The following IL16 variants were observed in gnomAD, a reference collection of about 807,000 sequenced individuals.
IL16 encodes interleukin 16.
IL16 carries 67 observed loss-of-function variants against 110.1 expected under a neutral mutation model. That is an observed-to-expected ratio of 0.61 (90% CI 0.50 to 0.75). The LOEUF is 0.75. IL16 is among the 30% of genes least tolerant of loss of function. The pLI is 0.00. For missense variants in IL16, 1,545 were observed against 1,655.0 expected (o/e 0.93, Z 1.15); for synonymous variants, 689 against 662.9 (o/e 1.04, Z -0.61).
chr15:81,309,139 G>C lies in IL16; in HGVS notation c.*341G>C, dbSNP rs143595082. 13 of 228,514 alleles carry C rather than the reference G, an allele frequency of 5.7e-5. No individual in the cohort carries two copies. The highest frequency in any genetic ancestry group is 2.7e-4 in the African/African-American group (12 of 43,958). 14.2% of individuals were successfully genotyped at this position (228,514 alleles called of 1,614,324 possible). On this transcript the variant is annotated 3_prime_UTR_variant, in exon 19 of 19. Transcript: ENST00000683961. Reference sequence around the variant, plus strand: ...GCAAAATGTTTCAAGTACTGTAACTGTGTCATGATTCACCCCCAAACAGTG... The same window carrying C: ...GCAAAATGTTTCAAGTACTGTAACTCTGTCATGATTCACCCCCAAACAGTG...
At chr15:81,266,753 C>T (rs1017443197) in intron 4 of IL16, among the ~76,000 whole-genome samples, 1 of 152,206 alleles carries the variant, frequency 6.6e-6, no homozygotes, top group African/African-American at 2.4e-5. Context: ...CCCAAATGCC[C>T]ATCAGGAAGC....
In IL16 at chr15:81,306,018, T is replaced by G; in HGVS notation, c.3531T>G (p.Asp1177Glu). 6.2e-7 allele frequency: 1 copy of G among 1,614,252 alleles called. No homozygotes were observed. Among genetic ancestry groups the G allele is most frequent in the Non-Finnish European group, 8.5e-7 (1 of 1,180,046 alleles). ...GKSLKGTTHH[D>E]ALAILRQARE... is the part of the protein sequence containing the mutation. ...CTCTCAAGGGGACCACGCACCATGA[T>G]GCCTTGGCCATCCTCCGCCAAGCTC... The change falls in exon 17 of 19, where the codon GAT becomes GAG. Residue 1177 changes from aspartate (D) to glutamate (E), a missense_variant. This residue lies in a region of IL16 where 356 missense variants were observed against 399.3 expected (regional missense o/e 0.89). Transcript: ENST00000683961.
At chr15:81,212,721 C>G (rs1896294960) in intron 1 of IL16, among the ~76,000 whole-genome samples, 1 of 152,160 alleles carries the variant, frequency 6.6e-6, no homozygotes, top group Non-Finnish European at 1.5e-5. Context: ...ATCTGCCTGC[C>G]TCAGCCTCCA....
upstream of IL16, among the ~76,000 whole-genome samples, chr15:81,195,816 G>A (rs143358556): frequency 9.0e-4 from 137 of 152,286 alleles, 1 homozygote; most frequent in South Asian, 1.5e-3. Flanking sequence ...AGATGTGTGG[G>A]ATGCTCTTTG....
chr15:81,291,025 A>G (rs1178498496), intron 11 of IL16, among the ~76,000 whole-genome samples: 1 of 152,246 alleles, frequency 6.6e-6, no homozygotes, highest in Non-Finnish European at 1.5e-5. Flanking sequence ...TTTATAAGAA[A>G]AAGTGAGGCC....
At chr15:81,213,250 G>A (rs919223116) in intron 1 of IL16, among the ~76,000 whole-genome samples, 1 of 152,134 alleles carries the variant, frequency 6.6e-6, no homozygotes, top group Non-Finnish European at 1.5e-5. Flanking sequence ...GTTTGATAAT[G>A]TGCTTGGTAT....
chr15:81,183,192 G>A (rs183544689), intron 1 of IL16, among the ~76,000 whole-genome samples: 25 of 152,338 alleles, frequency 1.6e-4, no homozygotes, highest in Admixed American at 1.4e-3. Flanking sequence ...GGGGAGGAGA[G>A]TGAACCCTGG....
Position 81,313,033 on chromosome 15 carries a change from T to A in IL16, c.*4235T>A. On this transcript the variant is annotated 3_prime_UTR_variant, in exon 19 of 19. Transcript: ENST00000683961. ...GTGTTTGGGTAACAGGCAGATGGAG[T>A]TTGGAACACATGAATGGCTCATCAC... The A allele has an allele frequency of 2.7e-6, 1 of 374,280 alleles. No homozygotes were observed. Among genetic ancestry groups the A allele is most frequent in the Non-Finnish European group, 4.6e-6 (1 of 215,146 alleles). The allele number at this position is 374,280 out of a possible 1,614,324, so 23.2% of individuals were successfully genotyped here.
At chr15:81,240,161 AT>A (rs1233206756) in intron 2 of IL16, among the ~76,000 whole-genome samples, 2 of 152,082 alleles carry the variant, frequency 1.3e-5, no homozygotes, top group Non-Finnish European at 2.9e-5. Flanking sequence ...ATTCATTCAT[AT>A]TATTTCATTT....
Position 81,273,172 on chromosome 15 carries a change from G to T in IL16, c.758G>T (p.Gly253Val), listed in dbSNP as rs767163027. The change falls in exon 6 of 19, where the codon GGA (glycine) becomes GTA (valine). Residue 253 changes from glycine (G) to valine (V), a missense_variant. By Grantham distance (109) the Gly-to-Val change is moderately radical. Around this residue, in one of 3 missense-constraint regions of IL16, gnomAD observed 1,185 missense variants for 1,238.8 expected, o/e 0.96. Transcript: ENST00000683961. ...TACGTCAAAACCATTTTTGCAGGGG[G>T]AGCAGCAGCAGCCGATGGAAGGCTA... is the stretch of plus-strand genomic sequence containing the variant. Reference protein sequence around the residue: ...GIYVKTIFAGGAAAADGRLQE... With the variant: ...GIYVKTIFAGVAAAADGRLQE... 6.2e-7 allele frequency: 1 copy of T among 1,613,428 alleles called. No homozygotes were observed. The highest frequency in any genetic ancestry group is 8.5e-7 in the Non-Finnish European group (1 of 1,179,592).
chr15:81,288,767 A>G (rs1035766929), intron 10 of IL16, among the ~76,000 whole-genome samples: 1 of 152,042 alleles, frequency 6.6e-6, no homozygotes, highest in Admixed American at 6.6e-5. Flanking sequence ...AGGTTCATTT[A>G]TGTTGTAGCA....
At chr15:81,297,697 G>A (rs1291624657) in intron 13 of IL16, among the ~76,000 whole-genome samples, 3 of 152,160 alleles carry the variant, frequency 2.0e-5, no homozygotes, top group Non-Finnish European at 4.4e-5. Flanking sequence ...CATCAGCAAT[G>A]TGTGGAAGAG....
chr15:81,224,123 CAATA>C (rs989830351), intron 1 of IL16, among the ~76,000 whole-genome samples: 11 of 152,152 alleles, frequency 7.2e-5, no homozygotes, highest in African/African-American at 2.4e-4. Context: ...ATACAGAAAA[CAATA>C]AATGTGTGCA....
In IL16 at chr15:81,306,697, G is replaced by A. The variant is rs567107033; in HGVS notation, c.3805+152G>A. 1.5e-4 allele frequency: 140 copies of A among 949,934 alleles called. No homozygotes were observed. The African/African-American group carries it at 2.2e-3, about 15-fold the overall frequency. 58.8% of individuals were successfully genotyped at this position (949,934 alleles called of 1,614,324 possible). Reference sequence around the variant, plus strand: ...GCTGGTCCTTTTAGGGCTCAATTCTGCTTTTTCTACTTTTTCTCCTTTGCT... The same window carrying A: ...GCTGGTCCTTTTAGGGCTCAATTCTACTTTTTCTACTTTTTCTCCTTTGCT... On this transcript the variant is annotated intron_variant, in intron 18 of 18. Coordinates refer to ENST00000683961, the MANE Select transcript of IL16 (RefSeq NM_172217.5).
Position 81,279,025 on chromosome 15 carries a change from G to A in IL16, c.864+135G>A, listed in dbSNP as rs76690603. On this transcript the variant is annotated intron_variant, in intron 7 of 18. Transcript: ENST00000683961. ...GCACCTCACTGATGCTGATCTTGGC[G>A]CAGGGTTAAAAGAAGACCTGACTCA... 5.0e-4 allele frequency: 342 copies of A among 680,170 alleles called. 1 individual carries two copies. The highest frequency in any genetic ancestry group is 3.9e-3 in the East Asian group (147 of 37,798). The allele number at this position is 680,170 out of a possible 1,614,324, so 42.1% of individuals were successfully genotyped here. A position where few individuals can be genotyped will look rare whatever the true frequency, so the allele number is the denominator to read the frequency against.
At chr15:81,270,423 T>A (rs1037628036) in intron 5 of IL16, among the ~76,000 whole-genome samples, 2 of 152,196 alleles carry the variant, frequency 1.3e-5, no homozygotes, top group Non-Finnish European at 2.9e-5. Context: ...TTGCTACTTA[T>A]GGTCTGTCCA....
intron 10 of IL16, chr15:81,289,829 T>C (rs1899624923): frequency 2.4e-6 from 1 of 408,266 alleles, no homozygotes; most frequent in Non-Finnish European, 4.8e-6. Flanking sequence ...CCTGTACTTT[T>C]GATGTCAAAT....
intron 1 of IL16, among the ~76,000 whole-genome samples, chr15:81,217,197 G>A (rs1480653698): frequency 6.6e-6 from 1 of 152,126 alleles, no homozygotes; most frequent in East Asian, 1.9e-4. Flanking sequence ...GCAAACAGAA[G>A]GGGAGGCCAA....
intron 1 of IL16, among the ~76,000 whole-genome samples, chr15:81,222,291 A>G (rs1166947891): frequency 1.3e-5 from 2 of 151,878 alleles, no homozygotes; most frequent in Non-Finnish European, 1.5e-5. Context: ...GAGAGTTTCA[A>G]AAACCCTCTC....
Sources: allele counts gnomAD v4.1 joint callset (sites outside exome capture counted in the v4.1 genomes callset), GRCh38; gene constraint gnomAD v4.1.1; regional missense constraint gnomAD v4.1.1; transcripts MANE v1.5; gene names NCBI Gene and HGNC (gene_info 2026-07-23, HGNC 2026-07-21).